The following TPRG1 variants were observed in gnomAD, a reference collection of about 807,000 sequenced individuals.
TPRG1 encodes the protein tumor protein p63-regulated gene 1 protein.
Under a neutral mutation model 29.3 loss-of-function variants are expected in TPRG1, and 29 were observed. That is an observed-to-expected ratio of 0.99 (90% CI 0.74 to 1.35). The LOEUF (loss-of-function observed/expected upper bound fraction) is 1.35, where lower values mean the gene tolerates loss of function less well. TPRG1 is among the 40% of genes most tolerant of loss of function. The pLI is 0.00. For missense variants in TPRG1, 327 were observed against 335.0 expected (o/e 0.98, Z 0.19); for synonymous variants, 130 against 116.8 (o/e 1.11, Z -0.73).
intron 3 of TPRG1, among the ~76,000 whole-genome samples, chr3:189,143,791 G>T (rs530400295): frequency 1.3e-5 from 2 of 152,296 alleles, no homozygotes; most frequent in African/African-American, 4.8e-5. Context: ...TTTGGATTCT[G>T]GTCTCTGTCA....
At chr3:189,194,532 G>T (rs1404521291) in intron 1 of TPRG1, among the ~76,000 whole-genome samples, 1 of 152,168 alleles carries the variant, frequency 6.6e-6, no homozygotes, top group African/African-American at 2.4e-5. Flanking sequence ...GCCTGGATCT[G>T]TGACTCTGAG....
At chr3:189,312,117 GTTTCTTTCTTTCTTTCTTTCTTTC>G (rs71169040) in intron 5 of TPRG1, among the ~76,000 whole-genome samples, 13 of 61,382 alleles carry the variant, frequency 2.1e-4, no homozygotes, top group African/African-American at 6.9e-4. Context: ...TTCTTTCTTT[GTTTCTTTCTTTCTTTCTTTCTTTC>G]TTTCTTTCTT....
intron 1 of TPRG1, among the ~76,000 whole-genome samples, chr3:189,181,002 A>G (rs192650424): frequency 6.6e-5 from 10 of 152,164 alleles, no homozygotes; most frequent in African/African-American, 2.4e-4. Context: ...CTCAACTCCA[A>G]GTAGAAGCTG....
intron 4 of TPRG1, among the ~76,000 whole-genome samples, chr3:189,245,759 T>A (rs1444063289): frequency 6.6e-6 from 1 of 152,222 alleles, no homozygotes; most frequent in South Asian, 2.1e-4. Flanking sequence ...AGTTACTGAG[T>A]GGAGTGCAAA....
chr3:189,265,350 G>C (rs1713876675), intron 4 of TPRG1, among the ~76,000 whole-genome samples: 1 of 152,160 alleles, frequency 6.6e-6, no homozygotes, highest in Non-Finnish European at 1.5e-5. Context: ...TCTCTGTAGA[G>C]TGTTTACAGG....
At chr3:189,132,564 A>C (rs1723226494) in exon 3 of TPRG1, 1 of 152,196 alleles carries the variant, frequency 6.6e-6, no homozygotes, top group African/African-American at 2.4e-5. Context: ...GCCCGACCGC[A>C]AAAACAAGCG....
At chr3:189,147,795 C>CTTTTGCTTGTTGCTTGAGTCTGGCA (rs1424999962) in intron 4 of TPRG1, 2 of 152,268 alleles carry the variant, frequency 1.3e-5, no homozygotes, top group Admixed American at 6.5e-5. Flanking sequence ...GCGTGGCTGA[C>CTTTTGCTTGTTGCTTGAGTCTGGCA]TTTTGCTTGT....
At chr3:189,113,551 A>G (rs1433297268) in intron 1 of TPRG1, among the ~76,000 whole-genome samples, 2 of 152,084 alleles carry the variant, frequency 1.3e-5, no homozygotes, top group African/African-American at 2.4e-5. Context: ...GATATGTCCC[A>G]TCAATACCTA....
At chr3:189,037,989 A>G (rs1482855541) in intron 4 of TPRG1, among the ~76,000 whole-genome samples, 3 of 151,610 alleles carry the variant, frequency 2.0e-5, no homozygotes, top group Non-Finnish European at 4.4e-5. Flanking sequence ...AAAGAGGTCA[A>G]ATTTTGCCAA....
chr3:189,174,039 G>A (rs989735714), intron 1 of TPRG1, among the ~76,000 whole-genome samples: 1 of 152,152 alleles, frequency 6.6e-6, no homozygotes, highest in East Asian at 1.9e-4. Flanking sequence ...ATTTTCTTCA[G>A]CCTGTCTGGA....
At chr3:189,091,193 T>C (rs940648888) in intron 4 of TPRG1, among the ~76,000 whole-genome samples, 1 of 152,148 alleles carries the variant, frequency 6.6e-6, no homozygotes, top group Non-Finnish European at 1.5e-5. Context: ...TTCTTTCCAC[T>C]TGTATTTGTT....
intron 3 of TPRG1, among the ~76,000 whole-genome samples, chr3:189,005,109 G>T (rs1294604073): frequency 1.3e-5 from 2 of 152,100 alleles, no homozygotes; most frequent in African/African-American, 2.4e-5. Flanking sequence ...GGCTGGGAAG[G>T]GTAGTAATGG....
chr3:189,018,914 T>C (rs1713117003), intron 3 of TPRG1, among the ~76,000 whole-genome samples: 1 of 151,528 alleles, frequency 6.6e-6, no homozygotes, highest in African/African-American at 2.4e-5. Flanking sequence ...CCTTGAGCAG[T>C]GGATTGTAGT....
chr3:189,182,758 C>T (rs116680663), intron 1 of TPRG1, among the ~76,000 whole-genome samples: 376 of 147,162 alleles, frequency 2.6e-3, no homozygotes, highest in African/African-American at 7.4e-3. Context: ...TATACAGTCA[C>T]TATTATGTCA....
chr3:189,140,119 T>C (rs1353142173), intron 3 of TPRG1, among the ~76,000 whole-genome samples: 1 of 152,324 alleles, frequency 6.6e-6, no homozygotes, highest in East Asian at 1.9e-4. Flanking sequence ...ATAGGAATCA[T>C]GCTGGAGGAC....
At chr3:189,253,924 C>T (rs1382696834) in intron 4 of TPRG1, among the ~76,000 whole-genome samples, 1 of 152,182 alleles carries the variant, frequency 6.6e-6, no homozygotes, top group Non-Finnish European at 1.5e-5. Flanking sequence ...TGTTTACATC[C>T]TTCACCCACT....
At chr3:189,175,591 G>C (rs1729381600) in intron 1 of TPRG1, among the ~76,000 whole-genome samples, 1 of 152,144 alleles carries the variant, frequency 6.6e-6, no homozygotes, top group Non-Finnish European at 1.5e-5. Flanking sequence ...TGTCTGTGTA[G>C]GCACACCTTA....
chr3:189,154,445 A>AT (rs11306539), intron 5 of TPRG1, among the ~76,000 whole-genome samples: 3,717 of 145,648 alleles, frequency 0.026, 148 homozygotes, highest in African/African-American at 0.084. Context: ...TGCAGTGTAC[A>AT]TTTTTTTTTT....
At chr3:189,191,439 T>C (rs1731679385) in intron 1 of TPRG1, among the ~76,000 whole-genome samples, 1 of 152,234 alleles carries the variant, frequency 6.6e-6, no homozygotes, top group African/African-American at 2.4e-5. Context: ...CTAGCTCTTT[T>C]GCCTTTTCTC....
Sources: allele counts gnomAD v4.1 joint callset (sites outside exome capture counted in the v4.1 genomes callset), GRCh38; gene constraint gnomAD v4.1.1; transcripts MANE v1.5; gene names NCBI Gene and HGNC (gene_info 2026-07-23, HGNC 2026-07-21).